FAM151B: variants seen among roughly 807,000 people sequenced by gnomAD.
The protein encoded by FAM151B is protein FAM151B.
In FAM151B, 24 loss-of-function variants were observed where a neutral mutation model predicts 31.2. That is an observed-to-expected ratio of 0.77 (90% CI 0.56 to 1.08). FAM151B has a LOEUF of 1.08. FAM151B is among the 50% of genes least tolerant of loss of function. FAM151B has a pLI of 0.00. For synonymous variants in FAM151B, 105 were observed against 111.4 expected, an observed-to-expected ratio of 0.94 and a Z score of 0.36; for missense variants, 293 against 328.6, an observed-to-expected ratio of 0.89 and a Z score of 0.84.
intron 5 of FAM151B, among the ~76,000 whole-genome samples, chr5:80,537,709 A>C (rs1293501024): frequency 1.1e-4 from 16 of 151,944 alleles, no homozygotes; most frequent in Non-Finnish European, 4.4e-5. Flanking sequence ...ATTTTGTACA[A>C]CCTTGTGTCT....
intron 5 of FAM151B, among the ~76,000 whole-genome samples, chr5:80,524,533 T>C (rs948057112): frequency 1.2e-4 from 19 of 152,136 alleles, no homozygotes; most frequent in African/African-American, 4.6e-4. Flanking sequence ...CCTCCAAAGT[T>C]CTGGAGTTTG....
intron 5 of FAM151B, among the ~76,000 whole-genome samples, chr5:80,539,940 A>G (rs1408794605): frequency 6.6e-6 from 1 of 152,052 alleles, no homozygotes; most frequent in Non-Finnish European, 1.5e-5. Context: ...ATTTCTCTAT[A>G]CATATATAAT....
At chr5:80,524,185 T>G (rs2112649982) in intron 5 of FAM151B, among the ~76,000 whole-genome samples, 1 of 152,252 alleles carries the variant, frequency 6.6e-6, no homozygotes, top group South Asian at 2.1e-4. Context: ...GACTCTATTT[T>G]CTTGGAGACA....
At chr5:80,502,041 A>C in intron 2 of FAM151B, 124 bp downstream of exon 2, 3 of 535,780 alleles carry the variant, frequency 5.6e-6, no homozygotes, top group South Asian at 1.3e-4. Context: ...CCAGGCTGAC[A>C]TGAGTATTTT....
At chr5:80,501,178 T>C in intron 1 of FAM151B, 1 of 338,062 alleles carries the variant, frequency 3.0e-6, no homozygotes, top group Non-Finnish European at 5.5e-6. Context: ...CACACCTGGC[T>C]AATTTTTTTT....
chr5:80,494,249 G>T (rs1350391478), intron 1 of FAM151B, among the ~76,000 whole-genome samples: 1 of 152,198 alleles, frequency 6.6e-6, no homozygotes, highest in Non-Finnish European at 1.5e-5. Flanking sequence ...AGCTACAGAA[G>T]AAAAGCTGGA....
At chr5:80,498,485 T>C in intron 1 of FAM151B, 2 of 707,896 alleles carry the variant, frequency 2.8e-6, no homozygotes, top group Non-Finnish European at 4.7e-6. Context: ...TTGGGGGGCT[T>C]TTAAAAAAGA....
chr5:80,513,546 T>A lies in FAM151B; in HGVS notation c.152-58T>A, dbSNP rs564217022. 2.0e-6 allele frequency: 3 copies of A among 1,498,612 alleles called. No homozygotes were observed. The African/African-American group carries it at 4.2e-5, about 21-fold the overall frequency. The allele number at this position is 1,498,612 out of a possible 1,614,324, so 92.8% of individuals were successfully genotyped here. Reference sequence around the variant, plus strand: ...TCAAAAGGATACTGAACATGGTGCCTCCTGTAGTTCTGTGCCCTGTTTTCT... The same window carrying A: ...TCAAAAGGATACTGAACATGGTGCCACCTGTAGTTCTGTGCCCTGTTTTCT... On this transcript the variant is annotated intron_variant, in intron 2 of 5. Transcript: ENST00000282226.
chr5:80,538,426 T>TTCTTTC (rs1554059044), intron 5 of FAM151B, among the ~76,000 whole-genome samples: 41 of 56,534 alleles, frequency 7.3e-4, no homozygotes, highest in Middle Eastern at 8.5e-3. Context: ...CTTTCTTTCT[T>TTCTTTC]TCTTTCTTTC....
intron 4 of FAM151B, among the ~76,000 whole-genome samples, chr5:80,521,571 G>A (rs1276345980): frequency 6.6e-6 from 1 of 152,112 alleles, no homozygotes; most frequent in African/African-American, 2.4e-5. Context: ...CACTTAAACA[G>A]CTAGCATATA....
chr5:80,518,534 T>G (rs937166254), intron 3 of FAM151B, among the ~76,000 whole-genome samples: 5 of 152,150 alleles, frequency 3.3e-5, no homozygotes, highest in African/African-American at 1.2e-4. Context: ...AACATCTAAA[T>G]TAATGTCTGC....
intron 1 of FAM151B, chr5:80,498,939 G>T: frequency 7.8e-6 from 2 of 256,254 alleles, no homozygotes; most frequent in South Asian, 1.1e-4. Flanking sequence ...TCAACCTTGA[G>T]GGTAGTGGTC....
At chr5:80,490,019 T>TACACACGCAC (rs1554055220) in intron 1 of FAM151B, among the ~76,000 whole-genome samples, 1 of 144,596 alleles carries the variant, frequency 6.9e-6, no homozygotes, top group Admixed American at 6.9e-5. Flanking sequence ...TTTTCCCCCT[T>TACACACGCAC]ACACACACAC....
intron 1 of FAM151B, among the ~76,000 whole-genome samples, chr5:80,490,516 TACC>T (rs1316089565): frequency 6.6e-6 from 1 of 152,236 alleles, no homozygotes; most frequent in Non-Finnish European, 1.5e-5. Context: ...GTGCAACAAT[TACC>T]ACAATTAATT....
chr5:80,493,773 G>A (rs1018377329), intron 1 of FAM151B, among the ~76,000 whole-genome samples: 2 of 152,168 alleles, frequency 1.3e-5, no homozygotes, highest in African/African-American at 4.8e-5. Flanking sequence ...TTCCTGTTAA[G>A]ATGTTTATCA....
chr5:80,519,842 C>G lies in FAM151B; in HGVS notation c.467C>G (p.Ser156Cys). The G allele has an allele frequency of 1.2e-6, 2 of 1,614,142 alleles. No homozygotes were observed. The highest frequency in any genetic ancestry group is 4.5e-5 in the East Asian group (2 of 44,874). ...DAKPFLDTVI[S>C]FFPDVTFSLG... ...AAACCATTTTTAGACACCGTGATAT[C>G]CTTCTTTCCAGACGTGACGTTTTCC... Residue 156 changes from serine (S) to cysteine (C), a missense_variant, in exon 4 of 6, where the codon TCC becomes TGC. Transcript: ENST00000282226.
chr5:80,532,579 A>T (rs1745291935), intron 5 of FAM151B, among the ~76,000 whole-genome samples: 1 of 152,208 alleles, frequency 6.6e-6, no homozygotes, highest in African/African-American at 2.4e-5. Flanking sequence ...CACTTTCAAC[A>T]TTGGACAGAT....
intron 1 of FAM151B, among the ~76,000 whole-genome samples, chr5:80,490,092 A>G (rs1743267866): frequency 6.6e-6 from 1 of 151,618 alleles, no homozygotes; most frequent in South Asian, 2.1e-4. Context: ...AATAGGATGT[A>G]TAGTGAAAAG....
At chr5:80,493,100 C>T (rs1275954141) in intron 1 of FAM151B, among the ~76,000 whole-genome samples, 1 of 152,140 alleles carries the variant, frequency 6.6e-6, no homozygotes, top group Admixed American at 6.5e-5. Flanking sequence ...AGTGCCACTC[C>T]ATGGAACACA....
Sources: allele counts gnomAD v4.1 joint callset (sites outside exome capture counted in the v4.1 genomes callset), GRCh38; gene constraint gnomAD v4.1.1; transcripts MANE v1.5; gene names NCBI Gene and HGNC (gene_info 2026-07-23, HGNC 2026-07-21).